PDE11A: variants seen among roughly 807,000 people sequenced by gnomAD.
PDE11A encodes dual 3',5'-cyclic-AMP and -GMP phosphodiesterase 11A.
Under a neutral mutation model 100.5 loss-of-function variants are expected in PDE11A, and 100 were observed. The observed-to-expected ratio is 1.00, with a 90% confidence interval of 0.85 to 1.18. The LOEUF is 1.18. Among genes scored for constraint, PDE11A ranks in the 50% most tolerant of loss-of-function variants. PDE11A has a pLI of 0.00. For missense variants in PDE11A, 1,141 were observed against 1,152.6 expected, an observed-to-expected ratio of 0.99 and a Z score of 0.15; for synonymous variants, 381 against 420.8, an observed-to-expected ratio of 0.91 and a Z score of 1.16.
chr2:177,695,841 T>G (rs974306945), intron 15 of PDE11A, among the ~76,000 whole-genome samples: 1 of 152,178 alleles, frequency 6.6e-6, no homozygotes, highest in African/African-American at 2.4e-5. Context: ...TAATTCTAAC[T>G]GATGCAATGC....
At chr2:177,815,095 T>G (rs1428632349) in intron 9 of PDE11A, among the ~76,000 whole-genome samples, 2 of 152,136 alleles carry the variant, frequency 1.3e-5, no homozygotes, top group Non-Finnish European at 2.9e-5. Context: ...ATAGCTGCAG[T>G]TACTGAAAAA....
chr2:178,000,657 T>C (rs1328078007), intron 2 of PDE11A, among the ~76,000 whole-genome samples: 1 of 152,234 alleles, frequency 6.6e-6, no homozygotes, highest in Non-Finnish European at 1.5e-5. Context: ...TAGCTGTATA[T>C]GTACAAAGCC....
intron 10 of PDE11A, among the ~76,000 whole-genome samples, chr2:177,736,898 T>C (rs1225306100): frequency 6.6e-6 from 1 of 152,204 alleles, no homozygotes; most frequent in Non-Finnish European, 1.5e-5. Context: ...GTTTGGGTAA[T>C]GCACCCTTGC....
intron 2 of PDE11A, among the ~76,000 whole-genome samples, chr2:177,968,044 A>G (rs929000143): frequency 3.3e-5 from 5 of 152,244 alleles, no homozygotes; most frequent in Non-Finnish European, 5.9e-5. Flanking sequence ...TGATTTCAAT[A>G]TCCATGCTTT....
chr2:177,853,710 G>GTT lies in PDE11A; in HGVS notation c.1368-13328_1368-13327insAA, dbSNP rs1553482766. On this transcript the variant is annotated intron_variant, in intron 5 of 19. Transcript: ENST00000286063. Reference sequence around the variant, plus strand: ...TGTGTGTGTGTGTGTGTGTGTGTGTGTGTTTGTGTGTGTGTGTGTGTATAT... The same window carrying GTT: ...TGTGTGTGTGTGTGTGTGTGTGTGTGTTTGTTTGTGTGTGTGTGTGTGTATAT... Among the ~76,000 whole-genome samples, 163 of 37,568 alleles carry GTT rather than the reference G, an allele frequency of 4.3e-3. 1 individual carries two copies. Among genetic ancestry groups the GTT allele is most frequent in the South Asian group, 0.025 (22 of 878 alleles). 24.6% of individuals were successfully genotyped at this position (37,568 alleles called of 152,430 possible). A position where few individuals can be genotyped will look rare whatever the true frequency, so the allele number is the denominator to read the frequency against.
At position 177,623,483 on chromosome 2, in the gene PDE11A, A is replaced by C. The variant is rs2079791079; in HGVS notation, c.*5924T>G. ...AATAATTAGGAAGGAAGTCAGTAGG[A>C]GATCCTTTTTAGGTTATTGTACATG... On this transcript the variant is annotated 3_prime_UTR_variant, in exon 20 of 20. Transcript: ENST00000286063. The C allele has an allele frequency of 2.0e-5, 3 of 152,254 alleles. No homozygotes were observed. The highest frequency in any genetic ancestry group is 4.8e-5 in the African/African-American group (2 of 41,472). 9.4% of individuals were successfully genotyped at this position (152,254 alleles called of 1,614,324 possible).
At chr2:177,636,920 C>T (rs1198630398) in intron 19 of PDE11A, among the ~76,000 whole-genome samples, 4 of 152,156 alleles carry the variant, frequency 2.6e-5, no homozygotes, top group Non-Finnish European at 2.9e-5. Flanking sequence ...CTCAGCTTCC[C>T]CTCAAATAGA....
intron 2 of PDE11A, among the ~76,000 whole-genome samples, chr2:177,912,343 C>T (rs960339427): frequency 1.3e-5 from 2 of 152,164 alleles, no homozygotes; most frequent in Admixed American, 6.5e-5. Context: ...CTCCTACAAG[C>T]TAGTGTTGGC....
chr2:177,885,022 G>A (rs987061855), intron 4 of PDE11A, among the ~76,000 whole-genome samples: 2 of 152,234 alleles, frequency 1.3e-5, no homozygotes, highest in Admixed American at 6.5e-5. Flanking sequence ...ATGTAATGGA[G>A]ATGGACAGTG....
intron 6 of PDE11A, among the ~76,000 whole-genome samples, chr2:177,832,448 C>T (rs954060651): frequency 6.6e-6 from 1 of 152,142 alleles, no homozygotes; most frequent in African/African-American, 2.4e-5. Flanking sequence ...CATCGGTCTC[C>T]AAGTTCCTCA....
At chr2:177,965,521 T>C (rs1420390433) in intron 2 of PDE11A, among the ~76,000 whole-genome samples, 1 of 152,182 alleles carries the variant, frequency 6.6e-6, no homozygotes, top group African/African-American at 2.4e-5. Context: ...TAATCCATCT[T>C]GAGTTGATTT....
intron 15 of PDE11A, among the ~76,000 whole-genome samples, chr2:177,686,442 C>T (rs1468740714): frequency 2.6e-5 from 4 of 152,104 alleles, no homozygotes; most frequent in Admixed American, 2.0e-4. Flanking sequence ...AGGCACACGC[C>T]TGTAGTCCCA....
At chr2:178,107,643 G>A (rs562562627) in intron 1 of PDE11A, among the ~76,000 whole-genome samples, 11 of 151,552 alleles carry the variant, frequency 7.3e-5, no homozygotes, top group Admixed American at 2.0e-4. Flanking sequence ...ACTTGTTTAC[G>A]GTCACAGATT....
chr2:177,827,959 C>T (rs1024737710), intron 6 of PDE11A, among the ~76,000 whole-genome samples: 10 of 152,208 alleles, frequency 6.6e-5, no homozygotes, highest in African/African-American at 2.4e-4. Context: ...ATCTGAATTC[C>T]CCAAAGATAC....
intron 19 of PDE11A, among the ~76,000 whole-genome samples, chr2:177,656,553 A>C (rs1326007104): frequency 6.6e-6 from 1 of 152,252 alleles, no homozygotes; most frequent in Non-Finnish European, 1.5e-5. Context: ...CACTGCTTAT[A>C]CTGCATCCCA....
intron 7 of PDE11A, among the ~76,000 whole-genome samples, chr2:177,818,457 C>A (rs1398463015): frequency 6.6e-6 from 1 of 151,836 alleles, no homozygotes; most frequent in Non-Finnish European, 1.5e-5. Flanking sequence ...GGCACGTTAC[C>A]TAACTTTTTT....
At chr2:177,754,637 G>T (rs572649380) in intron 10 of PDE11A, among the ~76,000 whole-genome samples, 42 of 152,276 alleles carry the variant, frequency 2.8e-4, no homozygotes, top group African/African-American at 8.9e-4. Context: ...ACAGTATGCG[G>T]TCAGTGTCAG....
At chr2:177,895,589 A>G (rs772803816) in intron 4 of PDE11A, among the ~76,000 whole-genome samples, 1 of 152,206 alleles carries the variant, frequency 6.6e-6, no homozygotes, top group Non-Finnish European at 1.5e-5. Context: ...TTTAAAAAGA[A>G]TAACATTTTG....
At chr2:177,712,091 G>A (rs772453462) in intron 12 of PDE11A, among the ~76,000 whole-genome samples, 15 of 152,202 alleles carry the variant, frequency 9.9e-5, no homozygotes, top group Admixed American at 6.5e-4. Flanking sequence ...AGCAGCCCAC[G>A]CTGCCACACT....
Sources: gnomAD v4.1 joint callset for allele counts (sites outside exome capture counted in the v4.1 genomes callset) on GRCh38, gnomAD v4.1.1 for gene constraint, MANE v1.5 for transcripts, NCBI Gene and HGNC (gene_info 2026-07-23, HGNC 2026-07-21) for gene names.